The following SLC35F1 variants were observed in gnomAD, a reference collection of about 807,000 sequenced individuals.
The protein encoded by SLC35F1 is solute carrier family 35 member F1.
SLC35F1 carries 14 observed loss-of-function variants against 48.7 expected under a neutral mutation model. The observed-to-expected ratio is 0.29, with a 90% confidence interval of 0.19 to 0.45. SLC35F1 has a LOEUF of 0.45. Among genes scored for constraint, SLC35F1 ranks in the 20% least tolerant of loss-of-function variants. The pLI, the probability that SLC35F1 is intolerant of heterozygous loss-of-function variation, is 1.00. For synonymous variants in SLC35F1, 190 were observed against 202.2 expected (o/e 0.94, Z 0.51); for missense variants, 404 against 500.0 (o/e 0.81, Z 1.83).
chr6:118,252,657 G>A (rs1382048526), intron 3 of SLC35F1, among the ~76,000 whole-genome samples: 1 of 152,108 alleles, frequency 6.6e-6, no homozygotes. Context: ...TATAGATGGC[G>A]CTAAAGGTCA....
chr6:118,101,319 A>G (rs140813448), intron 1 of SLC35F1, among the ~76,000 whole-genome samples: 2,179 of 152,302 alleles, frequency 0.014, 21 homozygotes, highest in African/African-American at 0.018. Flanking sequence ...CAAACCAAAT[A>G]CAATGTGGTC....
At chr6:118,022,717 G>A (rs925730115) in intron 1 of SLC35F1, among the ~76,000 whole-genome samples, 28 of 151,522 alleles carry the variant, frequency 1.8e-4, no homozygotes, top group African/African-American at 6.3e-4. Flanking sequence ...AATCATGAAT[G>A]CAAGTGACTC....
intron 1 of SLC35F1, among the ~76,000 whole-genome samples, chr6:117,977,696 C>T (rs1163076427): frequency 6.6e-6 from 1 of 151,906 alleles, no homozygotes; most frequent in Non-Finnish European, 1.5e-5. Context: ...TTGTAGTTTG[C>T]CATTTACTTG....
At chr6:117,913,169 A>G (rs1373316289) in intron 1 of SLC35F1, among the ~76,000 whole-genome samples, 1 of 152,214 alleles carries the variant, frequency 6.6e-6, no homozygotes, top group Non-Finnish European at 1.5e-5. Context: ...CATGCCCTGT[A>G]CATTGTTCAG....
At chr6:118,074,690 A>G (rs1412927002) in intron 1 of SLC35F1, among the ~76,000 whole-genome samples, 1 of 152,210 alleles carries the variant, frequency 6.6e-6, no homozygotes, top group African/African-American at 2.4e-5. Flanking sequence ...CCACTCCATC[A>G]TCCAGGCTAA....
Position 118,316,197 on chromosome 6 carries a change from A to G in SLC35F1, c.*1945A>G, listed in dbSNP as rs1776435364. 1 of 152,188 alleles carries G rather than the reference A, an allele frequency of 6.6e-6. No individual in the cohort carries two copies. Among genetic ancestry groups the G allele is most frequent in the Non-Finnish European group, 1.5e-5 (1 of 68,032 alleles). The allele number at this position is 152,188 out of a possible 1,614,324, so 9.4% of individuals were successfully genotyped here. ...CACATGGCCTTTTTGCCTGCCTTCT[A>G]TAACGGGTAAGTGGACCTACCCTTG... On this transcript the variant is annotated 3_prime_UTR_variant, in exon 8 of 8. Coordinates refer to ENST00000360388, the MANE Select transcript of SLC35F1 (RefSeq NM_001029858.4).
intron 2 of SLC35F1, among the ~76,000 whole-genome samples, chr6:118,220,963 T>C (rs1191597805): frequency 1.3e-5 from 2 of 152,156 alleles, no homozygotes; most frequent in African/African-American, 4.8e-5. Flanking sequence ...CTTCCCAACA[T>C]GTTTGTCACA....
At chr6:118,303,350 C>T (rs1274708860) in intron 7 of SLC35F1, among the ~76,000 whole-genome samples, 2 of 152,144 alleles carry the variant, frequency 1.3e-5, no homozygotes, top group Non-Finnish European at 2.9e-5. Flanking sequence ...CCCTTAGAAG[C>T]TTGAGTATAG....
chr6:117,985,102 G>A (rs1461315689), intron 1 of SLC35F1, among the ~76,000 whole-genome samples: 1 of 152,150 alleles, frequency 6.6e-6, no homozygotes. Flanking sequence ...GTCTATCAAA[G>A]TCTGTAGTTG....
chr6:118,266,271 T>C (rs1326300498), intron 3 of SLC35F1, among the ~76,000 whole-genome samples: 1 of 152,170 alleles, frequency 6.6e-6, no homozygotes, highest in Non-Finnish European at 1.5e-5. Context: ...TATCAACTCT[T>C]TGGACTTACA....
chr6:118,240,751 G>C (rs1323105877), intron 3 of SLC35F1, among the ~76,000 whole-genome samples: 2 of 152,184 alleles, frequency 1.3e-5, no homozygotes, highest in Non-Finnish European at 2.9e-5. Context: ...TAGTTGGAAG[G>C]GAAAGAGATT....
At chr6:118,064,739 T>C (rs1333334687) in intron 1 of SLC35F1, among the ~76,000 whole-genome samples, 1 of 152,198 alleles carries the variant, frequency 6.6e-6, no homozygotes, top group Non-Finnish European at 1.5e-5. Context: ...GTAACAGCCC[T>C]AAGGAATTTA....
intron 2 of SLC35F1, among the ~76,000 whole-genome samples, chr6:118,221,950 C>A (rs1159297650): frequency 7.0e-6 from 1 of 142,748 alleles, no homozygotes; most frequent in Non-Finnish European, 1.5e-5. Flanking sequence ...CTAATTTTTA[C>A]ATATATGTAT....
At chr6:118,140,211 G>A (rs181703381) in intron 1 of SLC35F1, among the ~76,000 whole-genome samples, 1 of 152,162 alleles carries the variant, frequency 6.6e-6, no homozygotes, top group African/African-American at 2.4e-5. Flanking sequence ...CCCAAATTTT[G>A]ACATAGGATA....
chr6:117,941,129 T>G (rs530310017), intron 1 of SLC35F1, among the ~76,000 whole-genome samples: 106 of 152,334 alleles, frequency 7.0e-4, no homozygotes, highest in African/African-American at 2.5e-3. Flanking sequence ...GTCCCCATGT[T>G]GGCTATGCTG....
chr6:118,176,055 TG>T (rs1181665888), intron 2 of SLC35F1, among the ~76,000 whole-genome samples: 1 of 152,114 alleles, frequency 6.6e-6, no homozygotes, highest in Admixed American at 6.6e-5. Context: ...ATCTCATTTT[TG>T]GGGAGCTCTG....
At chr6:118,237,098 C>T (rs79470203) in intron 3 of SLC35F1, among the ~76,000 whole-genome samples, 7,549 of 152,150 alleles carry the variant, frequency 0.05, 255 homozygotes, top group African/African-American at 0.085. Context: ...TACTCATACT[C>T]TCTATTCTCT....
At chr6:118,099,249 C>T (rs1212609265) in intron 1 of SLC35F1, among the ~76,000 whole-genome samples, 1 of 152,202 alleles carries the variant, frequency 6.6e-6, no homozygotes, top group Non-Finnish European at 1.5e-5. Context: ...ACTTAAGCAA[C>T]AGAATCACCT....
At chr6:118,175,405 C>G (rs929054342) in intron 2 of SLC35F1, among the ~76,000 whole-genome samples, 3 of 152,074 alleles carry the variant, frequency 2.0e-5, no homozygotes, top group Non-Finnish European at 4.4e-5. Flanking sequence ...TTTGAATATG[C>G]AAATTCAGGA....
Sources: gnomAD v4.1 joint callset for allele counts (sites outside exome capture counted in the v4.1 genomes callset) on GRCh38, gnomAD v4.1.1 for gene constraint, MANE v1.5 for transcripts, NCBI Gene and HGNC (gene_info 2026-07-23, HGNC 2026-07-21) for gene names.